COG5: variants seen among roughly 807,000 people sequenced by gnomAD.
COG5 encodes component of oligomeric golgi complex 5, also known as conserved oligomeric Golgi complex subunit 5.
In COG5, 86 loss-of-function variants were observed where a neutral mutation model predicts 110.4. The ratio of observed to expected loss-of-function variants is 0.78; its 90% CI spans 0.65 to 0.93. The LOEUF (loss-of-function observed/expected upper bound fraction) is 0.93, where lower values mean the gene tolerates loss of function less well. Among genes scored for constraint, COG5 ranks in the 40% least tolerant of loss-of-function variants. The pLI is 0.00. For missense variants in COG5, 1,077 were observed against 987.0 expected, an observed-to-expected ratio of 1.09 and a Z score of -1.22; for synonymous variants, 360 against 334.6, an observed-to-expected ratio of 1.08 and a Z score of -0.83.
chr7:107,255,223 A>T (rs1340216354), intron 16 of COG5, among the ~76,000 whole-genome samples: 2 of 152,118 alleles, frequency 1.3e-5, no homozygotes, highest in East Asian at 1.9e-4. Context: ...TGTCATATTG[A>T]CCTGATTTTA....
chr7:107,340,479 C>T (rs1811083552), intron 10 of COG5, among the ~76,000 whole-genome samples: 1 of 152,058 alleles, frequency 6.6e-6, no homozygotes, highest in Admixed American at 6.5e-5. Flanking sequence ...TGAAACTATT[C>T]TCCCCCAATC....
intron 10 of COG5, among the ~76,000 whole-genome samples, chr7:107,330,575 C>A (rs1371730906): frequency 1.3e-5 from 2 of 152,150 alleles, no homozygotes; most frequent in African/African-American, 4.8e-5. Flanking sequence ...TATTTGACAG[C>A]TTCTTACTGC....
intron 16 of COG5, 100 bp from the exon 17 acceptor site, chr7:107,248,599 A>G (rs749600431): frequency 1.2e-5 from 9 of 779,368 alleles, no homozygotes; most frequent in African/African-American, 1.8e-5. Context: ...AACAGTTTTC[A>G]TATTATATCA....
At chr7:107,527,133 T>G (rs1800822797) in intron 6 of COG5, 104 bp downstream of exon 6, 1 of 1,016,840 alleles carries the variant, frequency 9.8e-7, no homozygotes, top group Admixed American at 2.7e-5. Context: ...AAAAATTTGT[T>G]TAATAGTACT....
intron 6 of COG5, among the ~76,000 whole-genome samples, chr7:107,520,635 C>T (rs1584927238): frequency 6.6e-6 from 1 of 151,950 alleles, no homozygotes; most frequent in African/African-American, 2.4e-5. Context: ...CAGCTCAAGG[C>T]AATAAGAGAA....
chr7:107,322,407 C>G (rs1299971166), intron 11 of COG5, among the ~76,000 whole-genome samples: 1 of 152,142 alleles, frequency 6.6e-6, no homozygotes, highest in African/African-American at 2.4e-5. Context: ...TTCTCCAGAA[C>G]TGTGAGAAAT....
intron 10 of COG5, among the ~76,000 whole-genome samples, chr7:107,332,262 A>G (rs1810319665): frequency 6.6e-6 from 1 of 152,310 alleles, no homozygotes; most frequent in East Asian, 1.9e-4. Flanking sequence ...TGCATGTGGC[A>G]TGGGAAGAAA....
intron 2 of COG5, among the ~76,000 whole-genome samples, chr7:107,555,655 T>C (rs1469015942): frequency 6.6e-6 from 1 of 152,234 alleles, no homozygotes; most frequent in Non-Finnish European, 1.5e-5. Flanking sequence ...CCTAAAACTA[T>C]AGTTTCATGG....
At chr7:107,361,168 T>C (rs1813080261) in intron 10 of COG5, among the ~76,000 whole-genome samples, 1 of 152,222 alleles carries the variant, frequency 6.6e-6, no homozygotes, top group African/African-American at 2.4e-5. Flanking sequence ...ATCGGTAGAA[T>C]CATTATCCTA....
chr7:107,536,192 C>A (rs115913987), intron 5 of COG5, among the ~76,000 whole-genome samples: 1 of 151,184 alleles, frequency 6.6e-6, no homozygotes, highest in African/African-American at 2.4e-5. Context: ...CCATAGCATT[C>A]CCTTTGAAAA....
intron 14 of COG5, among the ~76,000 whole-genome samples, chr7:107,266,535 C>T (rs1803817081): frequency 6.6e-6 from 1 of 152,162 alleles, no homozygotes; most frequent in South Asian, 2.1e-4. Flanking sequence ...ATTACTACCT[C>T]TTTTGATATT....
chr7:107,278,165 T>C (rs1804855312), intron 14 of COG5, among the ~76,000 whole-genome samples: 1 of 152,210 alleles, frequency 6.6e-6, no homozygotes, highest in Admixed American at 6.5e-5. Flanking sequence ...GAAAACATGC[T>C]TATCTTTAAA....
At chr7:107,317,183 ATGAACCCTATGAG>A (rs902971803) in intron 11 of COG5, among the ~76,000 whole-genome samples, 28 of 152,174 alleles carry the variant, frequency 1.8e-4, no homozygotes, top group Non-Finnish European at 1.3e-4. Flanking sequence ...AACAAATGAG[ATGAACCCTATGAG>A]TGCCCCAGCT....
chr7:107,400,707 G>C (rs1001805722), intron 7 of COG5, among the ~76,000 whole-genome samples: 1 of 152,030 alleles, frequency 6.6e-6, no homozygotes, highest in African/African-American at 2.4e-5. Context: ...TCTAAAAGCA[G>C]ACAGTTAATT....
chr7:107,347,749 T>C (rs923692239), intron 10 of COG5, among the ~76,000 whole-genome samples: 4 of 152,196 alleles, frequency 2.6e-5, no homozygotes, highest in Non-Finnish European at 4.4e-5. Flanking sequence ...AATTTTAACA[T>C]GTATTTGAAT....
chr7:107,413,520 A>G (rs995171854), intron 6 of COG5, among the ~76,000 whole-genome samples: 4 of 149,620 alleles, frequency 2.7e-5, no homozygotes, highest in African/African-American at 1.0e-4. Context: ...ACATGTAGCA[A>G]CAGAGGGAAA....
intron 19 of COG5, among the ~76,000 whole-genome samples, chr7:107,229,022 T>C (rs907972853): frequency 3.9e-5 from 6 of 152,120 alleles, no homozygotes; most frequent in African/African-American, 7.2e-5. Flanking sequence ...CTTATCCTTA[T>C]TGAGAAATCT....
chr7:107,507,636 T>C (rs1013062759), intron 6 of COG5, among the ~76,000 whole-genome samples: 5 of 151,994 alleles, frequency 3.3e-5, no homozygotes, highest in Non-Finnish European at 7.4e-5. Flanking sequence ...CTTCACCAAC[T>C]GCAACATATT....
chr7:107,274,923 T>C (rs1472926360), intron 14 of COG5, among the ~76,000 whole-genome samples: 1 of 152,070 alleles, frequency 6.6e-6, no homozygotes, highest in African/African-American at 2.4e-5. Flanking sequence ...ATCAAGCTCT[T>C]ACAAGTCTGA....
Sources: allele counts gnomAD v4.1 joint callset (sites outside exome capture counted in the v4.1 genomes callset), GRCh38; gene constraint gnomAD v4.1.1; transcripts MANE v1.5; gene names NCBI Gene and HGNC (gene_info 2026-07-23, HGNC 2026-07-21).